Variants in DNM2 observed in about 807,000 individuals in gnomAD.
DNM2 encodes the protein dynamin-2.
DNM2 carries 15 observed loss-of-function variants against 99.0 expected under a neutral mutation model. That is an observed-to-expected ratio of 0.15 (90% CI 0.10 to 0.23). The LOEUF (loss-of-function observed/expected upper bound fraction) is 0.23. Among genes scored for constraint, DNM2 ranks in the 10% least tolerant of loss-of-function variants. DNM2 has a pLI of 1.00. For synonymous variants in DNM2, 525 were observed against 481.2 expected (o/e 1.09, Z -1.19); for missense variants, 742 against 1,189.4 (o/e 0.62, Z 5.53).
intron 18 of DNM2, among the ~76,000 whole-genome samples, chr19:10,828,377 G>C (rs1342711200): frequency 6.6e-6 from 1 of 151,824 alleles, no homozygotes; most frequent in Non-Finnish European, 1.5e-5. Context: ...CATAAGGTCA[G>C]GAGATCGAGA....
intron 18 of DNM2, 98 bp from the exon 19 acceptor site, chr19:10,828,938 G>A (rs754807176): frequency 1.5e-6 from 2 of 1,294,870 alleles, no homozygotes; most frequent in South Asian, 1.3e-5. Context: ...AAAGTCTGGG[G>A]GTGGCCCCGC....
Position 10,825,219 on chromosome 19 carries a change from A to G in DNM2, c.2056A>G (p.Asn686Asp). Residue 686 changes from asparagine to aspartate, a missense_variant and splice_region_variant, in exon 18 of 21, where the codon AAT becomes GAT. By Grantham distance (23) the Asn-to-Asp change is conservative. Around this residue, in one of 7 missense-constraint regions of DNM2, gnomAD observed 240 missense variants for 431.3 expected, o/e 0.56. Coordinates refer to ENST00000389253, the MANE Select transcript of DNM2 (RefSeq NM_001005361.3). Reference protein sequence around the residue: ...PKTIMHLMINNTKAFIHHELL... With the variant: ...PKTIMHLMINDTKAFIHHELL... ...GACCATCATGCACCTCATGATCAAC[A>G]ATGTGAGTGGAGAACTAAAAATGAG... 2 of 1,613,848 alleles carry G rather than the reference A, an allele frequency of 1.2e-6. No individual in the cohort carries two copies. The highest frequency in any genetic ancestry group is 1.7e-6 in the Non-Finnish European group (2 of 1,179,830).
At chr19:10,766,766 C>T (rs372020633) in intron 2 of DNM2, among the ~76,000 whole-genome samples, 88 of 152,164 alleles carry the variant, frequency 5.8e-4, no homozygotes, top group Middle Eastern at 6.8e-3. Flanking sequence ...CTGTGGTGGG[C>T]GAGGACGGCT....
chr19:10,736,403 C>G (rs575530381), intron 1 of DNM2, among the ~76,000 whole-genome samples: 1 of 152,194 alleles, frequency 6.6e-6, no homozygotes, highest in Non-Finnish European at 1.5e-5. Flanking sequence ...TGAGCCACCA[C>G]GCCCACTCAT....
chr19:10,733,237 G>T (rs1426238490), intron 1 of DNM2, among the ~76,000 whole-genome samples: 1 of 145,436 alleles, frequency 6.9e-6, no homozygotes, highest in Non-Finnish European at 1.5e-5. Context: ...TTTCACCCAG[G>T]TTGGAGTGCA....
At chr19:10,805,832 G>A in intron 12 of DNM2, 84 bp from the exon 13 acceptor site, 1 of 1,576,932 alleles carries the variant, frequency 6.3e-7, no homozygotes, top group Admixed American at 1.7e-5. Context: ...TGGTCCCCAG[G>A]GAGAGAACGG....
chr19:10,718,335 G>A lies in DNM2; in HGVS notation c.93G>A (p.Leu31=). Reference sequence around the variant, plus strand: ...TCGGCCAGAGCTGCCACCTGGACCTGCCGCAGATCGCTGTAGTGGGCGGCC... The same window carrying A: ...TCGGCCAGAGCTGCCACCTGGACCTACCGCAGATCGCTGTAGTGGGCGGCC... ...SSIGQSCHLD[L]PQIAVVGGQS... The change falls in exon 1 of 21, where the codon CTG becomes CTA. Residue 31 remains leucine (L), a synonymous_variant. Coordinates refer to ENST00000389253, the MANE Select transcript of DNM2 (RefSeq NM_001005361.3). 1 of 1,521,458 alleles carries A rather than the reference G, an allele frequency of 6.6e-7. No individual in the cohort carries two copies. The highest frequency in any genetic ancestry group is 2.1e-5 in the Admixed American group (1 of 47,726). The allele number at this position is 1,521,458 out of a possible 1,614,324, so 94.2% of individuals were successfully genotyped here.
intron 2 of DNM2, among the ~76,000 whole-genome samples, chr19:10,766,248 C>T (rs1055086498): frequency 1.3e-5 from 2 of 152,188 alleles, no homozygotes; most frequent in Non-Finnish European, 2.9e-5. Flanking sequence ...CCAGCGGGCA[C>T]GTGACCAGTG....
rs967308579 is a variant in DNM2 at position 10,764,274 on chromosome 19, G to A, written c.235+4463G>A. 6.6e-6 allele frequency among the ~76,000 whole-genome samples: 1 copy of A among 152,138 alleles called. No homozygotes were observed. The highest frequency in any genetic ancestry group is 1.5e-5 in the Non-Finnish European group (1 of 68,016). ...GGGGTGATGGTGGCGCTGCCATCGT[G>A]GCCATGGCACCCCATTGGCTGTGGT... On this transcript the variant is annotated intron_variant, in intron 2 of 20. Coordinates refer to ENST00000389253, the MANE Select transcript of DNM2 (RefSeq NM_001005361.3). This position sits in a 1 kb window ranked among gnomAD's most constrained non-coding sequence, Gnocchi z 4.1.
chr19:10,829,667 T>C (rs1256995857), intron 19 of DNM2, among the ~76,000 whole-genome samples: 1 of 152,020 alleles, frequency 6.6e-6, no homozygotes, highest in Non-Finnish European at 1.5e-5. Context: ...CTGCCGCCCC[T>C]GAGTTGTCCA....
intron 12 of DNM2, chr19:10,803,732 G>T (rs2072238322): frequency 1.0e-5 from 10 of 977,828 alleles, no homozygotes; most frequent in Non-Finnish European, 1.2e-5. Context: ...TGGCTGGGTG[G>T]CCCCAGCCCT....
In DNM2 at chr19:10,775,699, C is replaced by T. The variant is rs2071131702; in HGVS notation, c.386-4C>T. On this transcript the variant is annotated splice_region_variant and splice_polypyrimidine_tract_variant and intron_variant, in intron 3 of 20. Coordinates refer to ENST00000389253, the MANE Select transcript of DNM2 (RefSeq NM_001005361.3). The surrounding 1 kb of genome is among the most constrained non-coding windows in gnomAD (Gnocchi z 4.3). The stretch of plus-strand genomic sequence containing the variant: ...AATGCCTTTCCTTCTGGTTTCCCTC[C>T]CAGTGTTGAACTTGACCCTCATCGA... The T allele has an allele frequency of 6.2e-7, 1 of 1,614,032 alleles. No individual in the cohort carries two copies. The highest frequency in any genetic ancestry group is 8.5e-7 in the Non-Finnish European group (1 of 1,180,030).
rs568590627 is a variant in DNM2 at position 10,735,607 on chromosome 19, G to A, written c.161+17204G>A. On this transcript the variant is annotated intron_variant, in intron 1 of 20. Transcript: ENST00000389253. Reference sequence around the variant, plus strand: ...TGGCTCACTGCGACCTCCGCCTCCCGGATTCAAGCGATTCTCCTGCCTCAG... The same window carrying A: ...TGGCTCACTGCGACCTCCGCCTCCCAGATTCAAGCGATTCTCCTGCCTCAG... 1.3e-4 allele frequency among the ~76,000 whole-genome samples: 20 copies of A among 151,858 alleles called. 1 individual carries two copies. The East Asian group carries it at 2.1e-3, about 16-fold the overall frequency.
chr19:10,791,217 T>C (rs1485792530), intron 7 of DNM2, among the ~76,000 whole-genome samples: 1 of 151,984 alleles, frequency 6.6e-6, no homozygotes, highest in African/African-American at 2.4e-5. Flanking sequence ...GCCACCTGAG[T>C]AGCCTGATCC....
intron 11 of DNM2, among the ~76,000 whole-genome samples, chr19:10,801,401 C>A (rs1003003512): frequency 6.6e-6 from 1 of 151,810 alleles, no homozygotes; most frequent in Non-Finnish European, 1.5e-5. Flanking sequence ...AGGAGGATCA[C>A]TTGAGCCTAG....
In DNM2 at chr19:10,772,607, C is replaced by T; in HGVS notation, c.364C>T (p.Leu122Phe). The change falls in exon 3 of 21, where the codon CTT becomes TTT. Residue 122 changes from leucine (L) to phenylalanine (F), a missense_variant. Transcript: ENST00000389253. This position sits in a 1 kb window ranked among gnomAD's most constrained non-coding sequence, Gnocchi z 4.9. ...AGGCATCTCCCCAGTGCCCATCAAC[C>T]TTCGAGTCTACTCGCCACACGGTAG... The part of the protein sequence containing the change: ...NKGISPVPIN[L>F]RVYSPHVLNL... The T allele has an allele frequency of 6.2e-7, 1 of 1,614,194 alleles. No homozygotes were observed. The highest frequency in any genetic ancestry group is 8.5e-7 in the Non-Finnish European group (1 of 1,180,042).
At position 10,819,974 on chromosome 19, in the gene DNM2, C is replaced by G. The variant is rs1436714115; in HGVS notation, c.1672-6C>G. 1 of 1,613,942 alleles carries G rather than the reference C, an allele frequency of 6.2e-7. No individual in the cohort carries two copies. Among genetic ancestry groups the G allele is most frequent in the East Asian group, 2.2e-5 (1 of 44,870 alleles). The stretch of plus-strand genomic sequence containing the variant: ...CTCAGGGTGACTCTTTTCCCTCCAC[C>G]CTCAGGAGAAAGAGAAGAAGTACAT... On this transcript the variant is annotated splice_region_variant and splice_polypyrimidine_tract_variant and intron_variant, in intron 15 of 20. Coordinates refer to ENST00000389253, the MANE Select transcript of DNM2 (RefSeq NM_001005361.3).
chr19:10,822,584 C>T (rs1323005800), intron 16 of DNM2, among the ~76,000 whole-genome samples: 1 of 151,892 alleles, frequency 6.6e-6, no homozygotes, highest in African/African-American at 2.4e-5. Context: ...CTGCAACTTC[C>T]ACCTCCCAGG....
rs1463193878 is a variant in DNM2, at chr19:10,765,174, G to A, written c.235+5363G>A. On this transcript the variant is annotated intron_variant, in intron 2 of 20. Transcript: ENST00000389253. This position sits in a 1 kb window ranked among gnomAD's most constrained non-coding sequence, Gnocchi z 4.4. ...GGGGTTTCACCGTGTTAGCCAGGATGGTCTCGATCTCCTGACCTCGTGATC... is the reference window on the plus strand; with the variant it reads ...GGGGTTTCACCGTGTTAGCCAGGATAGTCTCGATCTCCTGACCTCGTGATC... Among the ~76,000 whole-genome samples the A allele has an allele frequency of 6.6e-6, 1 of 152,070 alleles. No individual in the cohort carries two copies. Among genetic ancestry groups the A allele is most frequent in the Non-Finnish European group, 1.5e-5 (1 of 68,010 alleles).
Sources: allele counts gnomAD v4.1 joint callset (sites outside exome capture counted in the v4.1 genomes callset), GRCh38; gene constraint gnomAD v4.1.1; regional missense constraint gnomAD v4.1.1; non-coding constraint Gnocchi (gnomAD v3.1); transcripts MANE v1.5; gene names NCBI Gene and HGNC (gene_info 2026-07-23, HGNC 2026-07-21).